STK33: variants seen among roughly 807,000 people sequenced by gnomAD.
STK33 encodes serine/threonine kinase 33.
STK33 carries 52 observed loss-of-function variants against 58.0 expected under a neutral mutation model. The ratio of observed to expected loss-of-function variants is 0.90; its 90% CI spans 0.72 to 1.13. The LOEUF (loss-of-function observed/expected upper bound fraction) is 1.13, where lower values mean the gene tolerates loss of function less well. Among genes scored for constraint, STK33 ranks in the 50% most tolerant of loss-of-function variants. STK33 has a pLI of 0.00. For synonymous variants in STK33, 215 were observed against 200.1 expected, an observed-to-expected ratio of 1.07 and a Z score of -0.63; for missense variants, 630 against 604.2, an observed-to-expected ratio of 1.04 and a Z score of -0.45.
intron 1 of STK33, among the ~76,000 whole-genome samples, chr11:8,511,461 C>T (rs1044145574): frequency 2.0e-4 from 30 of 152,028 alleles, no homozygotes; most frequent in African/African-American, 6.5e-4. Flanking sequence ...AATCTGGGTG[C>T]CCTTTATTTA....
At chr11:8,491,400 A>C (rs967720489) in intron 1 of STK33, among the ~76,000 whole-genome samples, 3 of 152,240 alleles carry the variant, frequency 2.0e-5, no homozygotes, top group African/African-American at 7.2e-5. Flanking sequence ...GAGAAAAAAG[A>C]GTAAACAGAA....
chr11:8,495,248 A>C (rs1466964502), intron 1 of STK33, among the ~76,000 whole-genome samples: 1 of 152,200 alleles, frequency 6.6e-6, no homozygotes, highest in East Asian at 1.9e-4. Flanking sequence ...CAAATTTACA[A>C]GAAAAAAAAC....
At chr11:8,443,123 T>A (rs1944978008) in intron 11 of STK33, among the ~76,000 whole-genome samples, 1 of 152,146 alleles carries the variant, frequency 6.6e-6, no homozygotes, top group South Asian at 2.1e-4. Context: ...TTTTAAAAAA[T>A]CTACTAAAAG....
Position 8,557,726 on chromosome 11 carries a change from A to G in STK33, c.-466+36357T>C, listed in dbSNP as rs1956863550. 3.3e-5 allele frequency among the ~76,000 whole-genome samples: 5 copies of G among 152,038 alleles called. No homozygotes were observed. In the South Asian group the frequency reaches 1.0e-3, roughly 32 times the overall value. On this transcript the variant is annotated intron_variant, in intron 1 of 15. Transcript: ENST00000687296. ...CAATGAAAGATTTTTACTTCAACCT[A>G]TATCATCACTGGAGTAGAAAAAAAC...
At chr11:8,553,227 T>G (rs1175974876) in intron 1 of STK33, among the ~76,000 whole-genome samples, 1 of 98,066 alleles carries the variant, frequency 1.0e-5, no homozygotes, top group Non-Finnish European at 2.0e-5. Context: ...ATATATATGG[T>G]GTGTATATAT....
chr11:8,382,585 C>A, the STK33 span, among the ~76,000 whole-genome samples: 1 of 152,140 alleles, frequency 6.6e-6, no homozygotes, highest in Non-Finnish European at 1.5e-5. Context: ...TGCCTGTGGG[C>A]GGGAGGCGTG....
intron 1 of STK33, among the ~76,000 whole-genome samples, chr11:8,576,936 A>G (rs1958228608): frequency 6.6e-6 from 1 of 152,194 alleles, no homozygotes; most frequent in Admixed American, 6.6e-5. Flanking sequence ...GAATTGCTCT[A>G]CTTCCCCGGG....
At chr11:8,450,206 C>A (rs1181534049) in intron 11 of STK33, among the ~76,000 whole-genome samples, 2 of 152,130 alleles carry the variant, frequency 1.3e-5, no homozygotes, top group African/African-American at 4.8e-5. Context: ...CACAGATACA[C>A]CATGGAATAC....
intron 1 of STK33, among the ~76,000 whole-genome samples, chr11:8,520,365 T>A (rs1448331029): frequency 2.0e-5 from 3 of 152,184 alleles, no homozygotes; most frequent in Admixed American, 6.5e-5. Flanking sequence ...GAGCTATTTA[T>A]GACAAACCCA....
At chr11:8,376,641 A>C in the STK33 span, among the ~76,000 whole-genome samples, 14 of 151,894 alleles carry the variant, frequency 9.2e-5, no homozygotes, top group African/African-American at 2.9e-4. Context: ...TCCCGGGTTC[A>C]AGTGATTCCC....
chr11:8,431,429 T>A (rs1369616885), intron 14 of STK33, among the ~76,000 whole-genome samples: 6 of 152,138 alleles, frequency 3.9e-5, no homozygotes, highest in Admixed American at 3.3e-4. Context: ...CATAAATTAA[T>A]GAACAAAGGC....
intron 11 of STK33, among the ~76,000 whole-genome samples, chr11:8,442,984 C>G (rs915969390): frequency 6.6e-6 from 1 of 152,116 alleles, no homozygotes; most frequent in African/African-American, 2.4e-5. Flanking sequence ...CACAAAGGAA[C>G]TTTCTGGGGT....
chr11:8,490,798 CG>C (rs760705627), intron 1 of STK33, among the ~76,000 whole-genome samples: 90 of 152,286 alleles, frequency 5.9e-4, no homozygotes, highest in South Asian at 1.2e-3. Flanking sequence ...CAGGGAAACA[CG>C]GTCTGGAGTA....
At chr11:8,399,533 C>G (rs1374147124) in intron 15 of STK33, among the ~76,000 whole-genome samples, 1 of 152,182 alleles carries the variant, frequency 6.6e-6, no homozygotes, top group East Asian at 1.9e-4. Flanking sequence ...CTAAAACTGA[C>G]ACCCTAACAT....
intron 14 of STK33, among the ~76,000 whole-genome samples, chr11:8,427,237 A>G (rs1036892266): frequency 6.6e-6 from 1 of 152,176 alleles, no homozygotes; most frequent in Non-Finnish European, 1.5e-5. Flanking sequence ...ATTTGAATAG[A>G]TATAACATTT....
At chr11:8,414,833 T>C (rs183561158) in intron 14 of STK33, among the ~76,000 whole-genome samples, 13 of 152,298 alleles carry the variant, frequency 8.5e-5, no homozygotes, top group East Asian at 5.8e-4. Context: ...TAGAATGCCA[T>C]TGCCATTTCT....
chr11:8,586,359 T>C (rs2031626315), intron 1 of STK33, among the ~76,000 whole-genome samples: 1 of 152,138 alleles, frequency 6.6e-6, no homozygotes, highest in Non-Finnish European at 1.5e-5. Context: ...AAGACTTACA[T>C]GCTTTTCCAC....
chr11:8,449,920 TGTG>T (rs1946057815), intron 11 of STK33, among the ~76,000 whole-genome samples: 2 of 152,144 alleles, frequency 1.3e-5, no homozygotes, highest in Non-Finnish European at 2.9e-5. Context: ...CTGGAGAGGA[TGTG>T]GAGAAATAGG....
chr11:8,444,639 A>T (rs1175104693), intron 11 of STK33, among the ~76,000 whole-genome samples: 1 of 152,166 alleles, frequency 6.6e-6, no homozygotes. Context: ...ATATGAAAAT[A>T]ATAAGTAAAC....
Sources: allele counts gnomAD v4.1 joint callset (sites outside exome capture counted in the v4.1 genomes callset), GRCh38; gene constraint gnomAD v4.1.1; transcripts MANE v1.5; gene names NCBI Gene and HGNC (gene_info 2026-07-23, HGNC 2026-07-21).